The following RABGEF1 variants were observed in gnomAD, a reference collection of about 807,000 sequenced individuals.
RABGEF1 encodes rab5 GDP/GTP exchange factor.
A neutral mutation model predicts 57.3 loss-of-function variants in RABGEF1; 26 were observed. The ratio of observed to expected loss-of-function variants is 0.45; its 90% confidence interval spans 0.33 to 0.63. The LOEUF is 0.63. Ranked by LOEUF, RABGEF1 falls within the 20% of genes least tolerant of loss-of-function variation. The pLI is 0.02. For missense variants in RABGEF1, 464 were observed against 607.6 expected (o/e 0.76, Z 2.48); for synonymous variants, 185 against 210.7 (o/e 0.88, Z 1.06).
At chr7:66,675,488 G>C in the RABGEF1 span, among the ~76,000 whole-genome samples, 2 of 152,044 alleles carry the variant, frequency 1.3e-5, no homozygotes, top group African/African-American at 4.8e-5. Flanking sequence ...AATATACTCA[G>C]TGGTGAAAGA....
upstream of RABGEF1, among the ~76,000 whole-genome samples, chr7:66,679,120 T>A (rs1789512116): frequency 6.6e-6 from 1 of 152,192 alleles, no homozygotes; most frequent in African/African-American, 2.4e-5. Context: ...CTCTTCTACA[T>A]CCCCTCATTC....
Position 66,797,396 on chromosome 7 carries a change from G to A in RABGEF1, c.618G>A (p.Lys206=). 1.9e-6 allele frequency: 3 copies of A among 1,610,602 alleles called. No individual in the cohort carries two copies. The highest frequency in any genetic ancestry group is 2.2e-5 in the South Asian group (2 of 90,678). Residue 206 remains lysine (K), a synonymous_variant, in exon 6 of 9, where the codon AAG becomes AAA. Transcript: ENST00000284957. ...CAGTGCCTCCAGAAAGAGTCGAGAA[G>A]ATAATGGATCAGATTGAAAAGTACA... ...RGKVPPERVE[K]IMDQIEKYIM...
intron 1 of RABGEF1, among the ~76,000 whole-genome samples, chr7:66,684,604 C>T (rs1200503348): frequency 6.6e-6 from 1 of 152,096 alleles, no homozygotes; most frequent in Non-Finnish European, 1.5e-5. Context: ...ACAGGCTTCC[C>T]ACCTAGTAAT....
intron 3 of RABGEF1, among the ~76,000 whole-genome samples, chr7:66,778,349 A>T (rs1276427507): frequency 6.6e-6 from 1 of 152,228 alleles, no homozygotes; most frequent in Non-Finnish European, 1.5e-5. Context: ...TTAGAGTTGG[A>T]TACGCCTTCA....
At chr7:66,790,423 G>T (rs895934017) in intron 4 of RABGEF1, among the ~76,000 whole-genome samples, 1 of 152,142 alleles carries the variant, frequency 6.6e-6, no homozygotes, top group Non-Finnish European at 1.5e-5. Context: ...TGAAAACCCA[G>T]CGTGAAAACC....
At chr7:66,713,226 C>T (rs1165642915) in intron 2 of RABGEF1, among the ~76,000 whole-genome samples, 1 of 151,542 alleles carries the variant, frequency 6.6e-6, no homozygotes, top group Non-Finnish European at 1.5e-5. Flanking sequence ...ACCGCAAGCT[C>T]TGCTTCCCGG....
At chr7:66,730,024 G>A (rs1797122364) in intron 2 of RABGEF1, among the ~76,000 whole-genome samples, 1 of 152,244 alleles carries the variant, frequency 6.6e-6, no homozygotes, top group Admixed American at 6.5e-5. Context: ...GGAGGGAAGA[G>A]CTGAAAGCAA....
the RABGEF1 span, chr7:66,669,377 A>G: frequency 6.6e-6 from 1 of 152,192 alleles, no homozygotes. Flanking sequence ...AGGCGCCAAT[A>G]TGGGGTAACT....
chr7:66,689,055 T>C (rs1413359405), intron 1 of RABGEF1, among the ~76,000 whole-genome samples: 5 of 152,242 alleles, frequency 3.3e-5, no homozygotes, highest in African/African-American at 9.6e-5. Flanking sequence ...ATTGCACCAC[T>C]GCATTCCAGC....
chr7:66,745,533 G>T (rs183533508), intron 1 of RABGEF1, among the ~76,000 whole-genome samples: 1 of 152,124 alleles, frequency 6.6e-6, no homozygotes, highest in East Asian at 1.9e-4. Context: ...TTGGGAGGCT[G>T]AGGTGGGCAG....
At chr7:66,786,365 T>G (rs1811188385) in intron 4 of RABGEF1, among the ~76,000 whole-genome samples, 1 of 152,240 alleles carries the variant, frequency 6.6e-6, no homozygotes, top group Non-Finnish European at 1.5e-5. Flanking sequence ...AGTATAATGC[T>G]TTACTATGCA....
At chr7:66,683,614 C>T (rs907133828) in intron 1 of RABGEF1, among the ~76,000 whole-genome samples, 7 of 151,790 alleles carry the variant, frequency 4.6e-5, no homozygotes, top group Non-Finnish European at 8.8e-5. Flanking sequence ...TGGAAGGGAT[C>T]GGGGAATACT....
chr7:66,779,888 T>C (rs1306811551), intron 3 of RABGEF1, among the ~76,000 whole-genome samples: 1 of 152,194 alleles, frequency 6.6e-6, no homozygotes, highest in Non-Finnish European at 1.5e-5. Flanking sequence ...ACACCTGAGC[T>C]GTCTCTCACT....
At chr7:66,671,204 A>G in the RABGEF1 span, among the ~76,000 whole-genome samples, 3 of 151,908 alleles carry the variant, frequency 2.0e-5, no homozygotes, top group Non-Finnish European at 4.4e-5. Flanking sequence ...GGGTCTTGCT[A>G]TGTTGCCCCG....
chr7:66,731,430 T>C (rs896540486), intron 2 of RABGEF1, among the ~76,000 whole-genome samples: 3 of 152,044 alleles, frequency 2.0e-5, no homozygotes, highest in Non-Finnish European at 4.4e-5. Context: ...AATAAGGATC[T>C]TGGAGGCTGT....
At chr7:66,748,439 G>C (rs527320024) in intron 1 of RABGEF1, among the ~76,000 whole-genome samples, 5 of 152,260 alleles carry the variant, frequency 3.3e-5, no homozygotes, top group Non-Finnish European at 5.9e-5. Context: ...CAAGTTCCTT[G>C]AATGCATCTG....
chr7:66,755,751 C>T (rs1306375004), intron 1 of RABGEF1: 1 of 240,102 alleles, frequency 4.2e-6, no homozygotes, highest in Non-Finnish European at 8.0e-6. Context: ...TTTTGCTTAA[C>T]CAAGGAGAGC....
intron 2 of RABGEF1, among the ~76,000 whole-genome samples, chr7:66,728,391 C>T (rs776881770): frequency 3.0e-4 from 45 of 152,162 alleles, no homozygotes; most frequent in Admixed American, 1.3e-3. Context: ...CCCCCTATGG[C>T]TGGGTCAGCT....
intron 1 of RABGEF1, among the ~76,000 whole-genome samples, chr7:66,705,326 ACTAGGGAGG>A (rs1348219246): frequency 1.3e-5 from 2 of 151,940 alleles, no homozygotes; most frequent in African/African-American, 4.8e-5. Flanking sequence ...AATCCCACCT[ACTAGGGAGG>A]CTGAGGCAGG....
Sources: allele counts gnomAD v4.1 joint callset (sites outside exome capture counted in the v4.1 genomes callset), GRCh38; gene constraint gnomAD v4.1.1; transcripts MANE v1.5; gene names NCBI Gene and HGNC (gene_info 2026-07-23, HGNC 2026-07-21).